Variants in PCDHGA6 observed in about 807,000 individuals in gnomAD.
The protein encoded by PCDHGA6 is protocadherin gamma subfamily A, 6.
PCDHGA6 carries 41 observed loss-of-function variants against 60.6 expected under a neutral mutation model. The ratio of observed to expected loss-of-function variants is 0.68; its 90% confidence interval spans 0.53 to 0.88. The LOEUF (loss-of-function observed/expected upper bound fraction) is 0.88, where lower values mean the gene tolerates loss of function less well. PCDHGA6 is among the 40% of genes least tolerant of loss of function. The pLI, the probability that PCDHGA6 is intolerant of heterozygous loss-of-function variation, is 0.00. For missense variants in PCDHGA6, 1,312 were observed against 1,203.0 expected (o/e 1.09, Z -1.34); for synonymous variants, 594 against 524.4 (o/e 1.13, Z -1.81).
intron 2 of PCDHGA6, among the ~76,000 whole-genome samples, chr5:141,500,189 TTTATTTATTTA>T (rs1562193895): frequency 9.9e-5 from 11 of 110,956 alleles, no homozygotes; most frequent in Middle Eastern, 4.3e-3. Flanking sequence ...TTTATTTTTA[TTTATTTATTTA>T]TTTATTTATT....
At chr5:141,412,163 T>G (rs1005929326) in intron 1 of PCDHGA6, 13 of 152,240 alleles carry the variant, frequency 8.5e-5, no homozygotes, top group African/African-American at 2.9e-4. Flanking sequence ...GAGAAGAGAT[T>G]ATTTATACTG....
intron 1 of PCDHGA6, among the ~76,000 whole-genome samples, chr5:141,438,976 C>T (rs2098079529): frequency 6.6e-6 from 1 of 151,928 alleles, no homozygotes; most frequent in Non-Finnish European, 1.5e-5. Context: ...AACTGTCTGA[C>T]TTATCTTAAA....
In PCDHGA6 at chr5:141,491,958, A is replaced by C; in HGVS notation, c.2425-2849A>C. The C allele has an allele frequency of 2.0e-6, 2 of 999,758 alleles. No homozygotes were observed. Among genetic ancestry groups the C allele is most frequent in the Non-Finnish European group, 2.8e-6 (2 of 718,534 alleles). The allele number at this position is 999,758 out of a possible 1,614,324, so 61.9% of individuals were successfully genotyped here. The stretch of plus-strand genomic sequence containing the variant: ...ACCGACCCCCACCCCTACACTCAAA[A>C]AAGGCCGGGGCCTCCTTCGAGCTTC... On this transcript the variant is annotated intron_variant, in intron 1 of 3. Coordinates refer to ENST00000517434, the MANE Select transcript of PCDHGA6 (RefSeq NM_018919.3). The surrounding 1 kb of genome is among the most constrained non-coding windows in gnomAD (Gnocchi z 6.9).
intron 3 of PCDHGA6, 31 bp downstream of exon 3, chr5:141,505,512 T>C (rs754223095): frequency 6.2e-7 from 1 of 1,613,676 alleles, no homozygotes; most frequent in South Asian, 1.1e-5. Context: ...TATGGAAGAG[T>C]GGGAGACCTG....
At chr5:141,451,653 G>A (rs1440576814) in intron 1 of PCDHGA6, among the ~76,000 whole-genome samples, 2 of 152,166 alleles carry the variant, frequency 1.3e-5, no homozygotes, top group Non-Finnish European at 2.9e-5. Context: ...AGGCCAAGGA[G>A]GGTGGACTGC....
intron 1 of PCDHGA6, among the ~76,000 whole-genome samples, chr5:141,452,988 T>C (rs2098753680): frequency 6.6e-6 from 1 of 152,228 alleles, no homozygotes; most frequent in Admixed American, 6.5e-5. Context: ...AGTACTGTGC[T>C]GAAAAGTTAC....
At position 141,376,284 on chromosome 5, in the gene PCDHGA6, G is replaced by T. The variant is rs1393856164; in HGVS notation, c.2201G>T (p.Ser734Ile). 12 of 1,614,102 alleles carry T rather than the reference G, an allele frequency of 7.4e-6. No homozygotes were observed. The highest frequency in any genetic ancestry group is 1.0e-5 in the Non-Finnish European group (12 of 1,180,050). Residue 734 changes from serine to isoleucine, a missense_variant, in exon 1 of 4, where the codon AGC (serine) becomes ATC (isoleucine). By Grantham distance (142) the Ser-to-Ile change is moderately radical. Transcript: ENST00000517434. ...CAGGCTTCGGGAGGTGGCTTAGCGA[G>T]CATGCCCGGCTCGCACTTTGTGGGC... Reference protein sequence around the residue: ...LLQASGGGLASMPGSHFVGVE... With the variant: ...LLQASGGGLAIMPGSHFVGVE...
rs891428609 is a variant in PCDHGA6, at chr5:141,503,553, C to T, written c.2484-1840C>T. Among the ~76,000 whole-genome samples the T allele has an allele frequency of 9.4e-5, 14 of 149,164 alleles. No homozygotes were observed. In the East Asian group the frequency reaches 2.2e-3, roughly 23 times the overall value. On this transcript the variant is annotated intron_variant, in intron 2 of 3. Coordinates refer to ENST00000517434, the MANE Select transcript of PCDHGA6 (RefSeq NM_018919.3). ...GGCAGAGGTTGCAGTGAGCCGAGAT[C>T]GCGCCACTGTACTCCAGCCTGGGTG...
At chr5:141,470,388 T>C (rs1234907080) in intron 1 of PCDHGA6, among the ~76,000 whole-genome samples, 4 of 152,198 alleles carry the variant, frequency 2.6e-5, no homozygotes, top group African/African-American at 9.6e-5. Flanking sequence ...TACTCGATGA[T>C]ATTTAGGATT....
intron 1 of PCDHGA6, among the ~76,000 whole-genome samples, chr5:141,405,659 G>A (rs867774573): frequency 2.0e-5 from 3 of 152,106 alleles, no homozygotes; most frequent in Non-Finnish European, 4.4e-5. Flanking sequence ...TGTGTTTTTA[G>A]TAGAGACGGG....
At chr5:141,498,581 C>A (rs1281809549) in intron 2 of PCDHGA6, among the ~76,000 whole-genome samples, 1 of 152,104 alleles carries the variant, frequency 6.6e-6, no homozygotes, top group East Asian at 1.9e-4. Flanking sequence ...GTATTGAGTT[C>A]TTCAGTAAAC....
At chr5:141,492,576 G>A (rs2099742137) in intron 1 of PCDHGA6, among the ~76,000 whole-genome samples, 1 of 152,234 alleles carries the variant, frequency 6.6e-6, no homozygotes, top group Admixed American at 6.5e-5. Context: ...AGCGAGGCGC[G>A]GGGCCAGGAG....
rs1206130340 is a variant in PCDHGA6, at chr5:141,473,814, G to A, written c.2425-20993G>A. On this transcript the variant is annotated intron_variant, in intron 1 of 3. Coordinates refer to ENST00000517434, the MANE Select transcript of PCDHGA6 (RefSeq NM_018919.3). ...GTATGATGCTACTGAGGAGCAGCTG[G>A]ACAATTGTGTGATCCAATTAAAATT... Among the ~76,000 whole-genome samples, 5 of 152,188 alleles carry A rather than the reference G, an allele frequency of 3.3e-5. No individual in the cohort carries two copies. The East Asian group carries it at 9.6e-4, about 29-fold the overall frequency.
intron 1 of PCDHGA6, among the ~76,000 whole-genome samples, chr5:141,434,579 A>T (rs931282309): frequency 6.6e-6 from 1 of 152,232 alleles, no homozygotes; most frequent in African/African-American, 2.4e-5. Context: ...CCTGCTGCAG[A>T]TAACTACCTC....
At position 141,491,744 on chromosome 5, in the gene PCDHGA6, C is replaced by T; in HGVS notation, c.2425-3063C>T. 6.3e-7 allele frequency: 1 copy of T among 1,592,720 alleles called. No individual in the cohort carries two copies. Among genetic ancestry groups the T allele is most frequent in the African/African-American group, 1.3e-5 (1 of 74,122 alleles). Reference sequence around the variant, plus strand: ...CCCCGGGCGACCCCTGGGGGCGGCACTGGAGAAGCCGCCCGTCCTCATAAG... The same window carrying T: ...CCCCGGGCGACCCCTGGGGGCGGCATTGGAGAAGCCGCCCGTCCTCATAAG... On this transcript the variant is annotated intron_variant, in intron 1 of 3. Transcript: ENST00000517434. The surrounding 1 kb of genome is among the most constrained non-coding windows in gnomAD (Gnocchi z 6.9).
In PCDHGA6 at chr5:141,477,028, G is replaced by A. The variant is rs1015508317; in HGVS notation, c.2425-17779G>A. On this transcript the variant is annotated intron_variant, in intron 1 of 3. Coordinates refer to ENST00000517434, the MANE Select transcript of PCDHGA6 (RefSeq NM_018919.3). The surrounding 1 kb of genome is among the most constrained non-coding windows in gnomAD (Gnocchi z 4.9). ...CCTTAGACCTTGTAACCGGGATGCT[G>A]ACAATCAAGGGTCGGCTGGACTTCG... The A allele has an allele frequency of 2.5e-6, 4 of 1,614,146 alleles. No homozygotes were observed. The highest frequency in any genetic ancestry group is 1.7e-5 in the Admixed American group (1 of 60,018).
rs765743251 is a variant in PCDHGA6 at position 141,476,488 on chromosome 5, G to A, written c.2425-18319G>A. ...TGGAGCTGTTCAGCGTGGAAGTGGTGATCCAGGACATCAACGACAACAATC... is the reference window on the plus strand; with the variant it reads ...TGGAGCTGTTCAGCGTGGAAGTGGTAATCCAGGACATCAACGACAACAATC... On this transcript the variant is annotated intron_variant, in intron 1 of 3. Coordinates refer to ENST00000517434, the MANE Select transcript of PCDHGA6 (RefSeq NM_018919.3). This position sits in a 1 kb window ranked among gnomAD's most constrained non-coding sequence, Gnocchi z 7.6. 4 of 1,613,932 alleles carry A rather than the reference G, an allele frequency of 2.5e-6. No homozygotes were observed. Among genetic ancestry groups the A allele is most frequent in the Non-Finnish European group, 3.4e-6 (4 of 1,180,016 alleles).
At chr5:141,433,605 G>C (rs1411907056) in intron 1 of PCDHGA6, among the ~76,000 whole-genome samples, 1 of 152,114 alleles carries the variant, frequency 6.6e-6, no homozygotes. Context: ...GGAGGCCGAG[G>C]CGGGTGGATC....
In PCDHGA6 at chr5:141,382,780, A is replaced by G. The variant is rs1050419701; in HGVS notation, c.2424+6273A>G. On this transcript the variant is annotated intron_variant, in intron 1 of 3. Coordinates refer to ENST00000517434, the MANE Select transcript of PCDHGA6 (RefSeq NM_018919.3). ...CCCTCTTCCAGGCTGCACTAAACTC[A>G]AGCCTCTATCCTGCTGGATTCTGAG... 10 of 836,240 alleles carry G rather than the reference A, an allele frequency of 1.2e-5. No homozygotes were observed. The South Asian group carries it at 2.0e-4, about 17-fold the overall frequency. 51.8% of individuals were successfully genotyped at this position (836,240 alleles called of 1,614,324 possible). A position where few individuals can be genotyped will look rare whatever the true frequency, so the allele number is the denominator to read the frequency against.
Sources: allele counts gnomAD v4.1 joint callset (sites outside exome capture counted in the v4.1 genomes callset), GRCh38; gene constraint gnomAD v4.1.1; non-coding constraint Gnocchi (gnomAD v3.1); transcripts MANE v1.5; gene names NCBI Gene and HGNC (gene_info 2026-07-23, HGNC 2026-07-21).